NFAT5: variants seen among roughly 807,000 people sequenced by gnomAD.
The protein encoded by NFAT5 is nuclear factor of activated T cells 5.
NFAT5 carries 31 observed loss-of-function variants against 166.5 expected under a neutral mutation model. The observed-to-expected ratio is 0.19, with a 90% CI of 0.14 to 0.25. The LOEUF (loss-of-function observed/expected upper bound fraction) is 0.25. NFAT5 is among the 10% of genes least tolerant of loss of function. The pLI is 1.00. For synonymous variants in NFAT5, 612 were observed against 639.7 expected (o/e 0.96, Z 0.65); for missense variants, 1,449 against 1,821.8 (o/e 0.80, Z 3.72).
At chr16:69,625,122 G>A (rs1301367924) in intron 2 of NFAT5, among the ~76,000 whole-genome samples, 1 of 151,812 alleles carries the variant, frequency 6.6e-6, no homozygotes, top group Admixed American at 6.6e-5. Flanking sequence ...GGCTGGTCTC[G>A]AACTCCTGAC....
intron 1 of NFAT5, 119 bp from the exon 2 acceptor site, chr16:69,568,376 G>GTATA (rs144294785): frequency 2.1e-5 from 6 of 288,624 alleles, no homozygotes; most frequent in East Asian, 2.3e-4. Flanking sequence ...GTGTGTGTGT[G>GTATA]TATATATATA....
rs557551244 is a variant in NFAT5, at chr16:69,651,918, C to A, written c.813-1318C>A. On this transcript the variant is annotated intron_variant, in intron 4 of 14. Coordinates refer to ENST00000349945, the MANE Select transcript of NFAT5 (RefSeq NM_138713.4). ...AACTCCTGACCTCAGGTGATCCACC[C>A]CGCTTGGCCTCCCAAAGTGCTGGAA... Among the ~76,000 whole-genome samples the A allele has an allele frequency of 1.4e-4, 21 of 152,090 alleles. No individual in the cohort carries two copies. In the South Asian group the frequency reaches 2.7e-3, roughly 20 times the overall value.
At position 69,681,190 on chromosome 16, in the gene NFAT5, T is replaced by C. The variant is rs555713341; in HGVS notation, c.1691-3697T>C. Among the ~76,000 whole-genome samples, 143 of 152,324 alleles carry C rather than the reference T, an allele frequency of 9.4e-4. 1 individual carries two copies. Among genetic ancestry groups the C allele is most frequent in the South Asian group, 8.3e-4 (4 of 4,824 alleles). On this transcript the variant is annotated intron_variant, in intron 10 of 14. Coordinates refer to ENST00000349945, the MANE Select transcript of NFAT5 (RefSeq NM_138713.4). The stretch of plus-strand genomic sequence containing the variant: ...GGCCTATCTCAGTATGACAAACTAA[T>C]AGCTGTTGTGATTCATTTAGGGACT...
At position 69,691,107 on chromosome 16, in the gene NFAT5, T is replaced by G. The variant is rs1289872231; in HGVS notation, c.1923+19T>G. On this transcript the variant is annotated intron_variant, in intron 12 of 14. Coordinates refer to ENST00000349945, the MANE Select transcript of NFAT5 (RefSeq NM_138713.4). ...TTTTAAGGTAAGCTGTATTGACTAG[T>G]GCACAAACCTCCTATATAAAAATTG... is the stretch of plus-strand genomic sequence containing the variant. 2.0e-6 allele frequency: 3 copies of G among 1,503,994 alleles called. No individual in the cohort carries two copies. Among genetic ancestry groups the G allele is most frequent in the South Asian group, 1.4e-5 (1 of 72,114 alleles). The allele number at this position is 1,503,994 out of a possible 1,614,324, so 93.2% of individuals were successfully genotyped here. A position where few individuals can be genotyped will look rare whatever the true frequency, so the allele number is the denominator to read the frequency against.
chr16:69,696,082 A>G (rs2037757738), intron 14 of NFAT5, among the ~76,000 whole-genome samples: 1 of 152,258 alleles, frequency 6.6e-6, no homozygotes, highest in Non-Finnish European at 1.5e-5. Flanking sequence ...CCTATATTGG[A>G]CATTCCTTCT....
intron 2 of NFAT5, among the ~76,000 whole-genome samples, chr16:69,592,681 C>G (rs1203112396): frequency 6.6e-6 from 1 of 152,076 alleles, no homozygotes; most frequent in East Asian, 1.9e-4. Context: ...TTTGATTACT[C>G]CCCTCAATTC....
Position 69,694,088 on chromosome 16 carries a change from C to T in NFAT5, c.4263C>T (p.Asn1421=), listed in dbSNP as rs763792026. Residue 1421 remains asparagine, a synonymous_variant, in exon 13 of 15, where the codon AAC becomes AAT. Transcript: ENST00000349945. The part of the protein sequence containing the change: ...MQQSPLYSPQ[N]NMPGIQGATS... ...AGTCTCCTCTTTATTCCCCTCAGAA[C>T]AACATGCCTGGAATTCAAGGAGCCA... The T allele has an allele frequency of 3.0e-5, 49 of 1,614,172 alleles. No individual in the cohort carries two copies. The Middle Eastern group carries it at 4.9e-4, about 16-fold the overall frequency.
chr16:69,658,480 T>C (rs2035986173), intron 6 of NFAT5, among the ~76,000 whole-genome samples: 1 of 146,396 alleles, frequency 6.8e-6, no homozygotes, highest in African/African-American at 2.5e-5. Context: ...CGAAACTCTG[T>C]CTCAAAAAAA....
intron 2 of NFAT5, among the ~76,000 whole-genome samples, chr16:69,610,579 T>G (rs1336838428): frequency 2.0e-5 from 3 of 152,194 alleles, no homozygotes; most frequent in Admixed American, 2.0e-4. Context: ...TAGACAGGAA[T>G]GCTGGGGAAA....
chr16:69,664,242 A>G (rs1472363381), intron 7 of NFAT5, among the ~76,000 whole-genome samples: 2 of 152,158 alleles, frequency 1.3e-5, no homozygotes, highest in African/African-American at 2.4e-5. Context: ...ATATTTGCTT[A>G]CTTATTTTTC....
chr16:69,573,207 A>AT (rs2016542217), intron 2 of NFAT5, among the ~76,000 whole-genome samples: 2 of 152,230 alleles, frequency 1.3e-5, no homozygotes, highest in African/African-American at 4.8e-5. Context: ...GAAATATGAC[A>AT]ATGAGTTAAG....
At chr16:69,615,799 A>G (rs1466096555) in intron 2 of NFAT5, among the ~76,000 whole-genome samples, 1 of 151,918 alleles carries the variant, frequency 6.6e-6, no homozygotes, top group Non-Finnish European at 1.5e-5. Flanking sequence ...GTTGTAACCA[A>G]TCTCCCATTG....
At chr16:69,690,722 A>AT (rs1371918327) in intron 11 of NFAT5, 1 of 290,130 alleles carries the variant, frequency 3.4e-6, no homozygotes, top group Non-Finnish European at 6.4e-6. Flanking sequence ...TATTATTAAT[A>AT]TTTAAGCTAT....
At chr16:69,627,679 A>C (rs1173029806) in intron 3 of NFAT5, among the ~76,000 whole-genome samples, 4 of 152,098 alleles carry the variant, frequency 2.6e-5, no homozygotes, top group Non-Finnish European at 4.4e-5. Flanking sequence ...GAAAACTTTA[A>C]ATATGGCAAA....
intron 2 of NFAT5, among the ~76,000 whole-genome samples, chr16:69,615,529 A>G (rs1442665067): frequency 6.6e-6 from 1 of 152,210 alleles, no homozygotes; most frequent in East Asian, 1.9e-4. Flanking sequence ...GACAGAAGCT[A>G]GGGAATATAT....
intron 2 of NFAT5, among the ~76,000 whole-genome samples, chr16:69,623,515 A>T (rs1013117308): frequency 6.8e-6 from 1 of 146,590 alleles, no homozygotes; most frequent in Non-Finnish European, 1.5e-5. Flanking sequence ...TATTATTGTT[A>T]TTTTTTTTTG....
At chr16:69,651,614 G>C (rs1401726258) in intron 4 of NFAT5, among the ~76,000 whole-genome samples, 1 of 151,980 alleles carries the variant, frequency 6.6e-6, no homozygotes, top group Non-Finnish European at 1.5e-5. Flanking sequence ...CAAAACTTAG[G>C]ACTAGGAGGG....
At chr16:69,598,850 C>T (rs1320477756) in intron 2 of NFAT5, among the ~76,000 whole-genome samples, 5 of 151,534 alleles carry the variant, frequency 3.3e-5, no homozygotes, top group Admixed American at 2.0e-4. Context: ...CATGATGAAA[C>T]TAAAAATACA....
intron 2 of NFAT5, among the ~76,000 whole-genome samples, chr16:69,574,871 C>G (rs367684941): frequency 6.6e-6 from 1 of 151,950 alleles, no homozygotes; most frequent in African/African-American, 2.4e-5. Context: ...GGGGTTTCAC[C>G]ATGTTGGCCA....
Sources: allele counts gnomAD v4.1 joint callset (sites outside exome capture counted in the v4.1 genomes callset), GRCh38; gene constraint gnomAD v4.1.1; transcripts MANE v1.5; gene names NCBI Gene and HGNC (gene_info 2026-07-23, HGNC 2026-07-21).